LHFPL3: variants seen among roughly 807,000 people sequenced by gnomAD.
The protein encoded by LHFPL3 is LHFPL tetraspan subfamily member 3, also known as LHFPL tetraspan subfamily member 3 protein.
A neutral mutation model predicts 19.3 loss-of-function variants in LHFPL3; 5 were observed. The ratio of observed to expected loss-of-function variants is 0.26; its 90% CI spans 0.14 to 0.54. LHFPL3 has a LOEUF of 0.54. Among genes scored for constraint, LHFPL3 ranks in the 20% least tolerant of loss-of-function variants. The pLI, the probability that LHFPL3 is intolerant of heterozygous loss-of-function variation, is 0.94. For synonymous variants in LHFPL3, 133 were observed against 126.2 expected (o/e 1.05, Z -0.36); for missense variants, 249 against 307.4 (o/e 0.81, Z 1.42).
intron 1 of LHFPL3, among the ~76,000 whole-genome samples, chr7:104,363,447 A>G (rs1189250414): frequency 1.3e-5 from 2 of 152,252 alleles, no homozygotes; most frequent in East Asian, 1.9e-4. Flanking sequence ...CTCAAATCTC[A>G]GTAGTTGAAC....
At chr7:104,529,339 T>C (rs1260172890) in intron 1 of LHFPL3, among the ~76,000 whole-genome samples, 1 of 152,176 alleles carries the variant, frequency 6.6e-6, no homozygotes, top group Non-Finnish European at 1.5e-5. Flanking sequence ...TTGCTACTTC[T>C]TGTTCTGCCC....
chr7:104,515,073 C>G lies in LHFPL3; in HGVS notation c.445+185849C>G, dbSNP rs191894070. 5.6e-4 allele frequency among the ~76,000 whole-genome samples: 86 copies of G among 152,286 alleles called. 1 individual carries two copies. Among genetic ancestry groups the G allele is most frequent in the Non-Finnish European group, 7.6e-4 (52 of 68,022 alleles). On this transcript the variant is annotated intron_variant, in intron 1 of 2. Coordinates refer to ENST00000424859, the MANE Select transcript of LHFPL3 (RefSeq NM_199000.3). ...CAGTAGCATTGTTTGCCTGCCGTTT[C>G]TCCCCAGATGTGGCCTGCTGGCATC...
chr7:104,521,851 T>C (rs1185834653), intron 1 of LHFPL3, among the ~76,000 whole-genome samples: 19 of 152,148 alleles, frequency 1.2e-4, no homozygotes, highest in South Asian at 1.2e-3. Flanking sequence ...CATCTCACAC[T>C]AGTTAGAATG....
chr7:104,701,384 A>G (rs1243793071), intron 1 of LHFPL3, among the ~76,000 whole-genome samples: 4 of 152,206 alleles, frequency 2.6e-5, no homozygotes, highest in South Asian at 2.1e-4. Context: ...CTAATAGCCT[A>G]TTGTTGGCCA....
chr7:104,434,888 A>T (rs118072184), intron 1 of LHFPL3, among the ~76,000 whole-genome samples: 332 of 152,298 alleles, frequency 2.2e-3, no homozygotes, highest in Non-Finnish European at 2.1e-3. Flanking sequence ...AATATTTTTC[A>T]TGTAGATATT....
chr7:104,802,491 CAAAAAAAAA>C (rs920866759), intron 2 of LHFPL3, among the ~76,000 whole-genome samples: 11 of 65,512 alleles, frequency 1.7e-4, no homozygotes, highest in African/African-American at 1.2e-4. Context: ...AACCCTATCT[CAAAAAAAAA>C]AAAAAAAAAA....
At chr7:104,866,446 C>T (rs1711889392) in intron 2 of LHFPL3, among the ~76,000 whole-genome samples, 1 of 152,146 alleles carries the variant, frequency 6.6e-6, no homozygotes, top group African/African-American at 2.4e-5. Context: ...ATAAAACAAA[C>T]TTTAAACCAA....
At chr7:104,839,123 C>A (rs1791150476) in intron 2 of LHFPL3, among the ~76,000 whole-genome samples, 1 of 152,122 alleles carries the variant, frequency 6.6e-6, no homozygotes, top group South Asian at 2.1e-4. Flanking sequence ...AACAGTGAGA[C>A]CGTCAAGGAG....
At position 104,589,088 on chromosome 7, in the gene LHFPL3, T is replaced by C. The variant is rs555005356; in HGVS notation, c.446-147587T>C. Among the ~76,000 whole-genome samples, 1,395 of 151,674 alleles carry C rather than the reference T, an allele frequency of 9.2e-3. 17 individuals are homozygous for C. Among genetic ancestry groups the C allele is most frequent in the African/African-American group, 0.032 (1,328 of 41,434 alleles). On this transcript the variant is annotated intron_variant, in intron 1 of 2. Transcript: ENST00000424859. Reference sequence around the variant, plus strand: ...ACAATTTGACTTCCTCTTTTCCTAATTGAATACCCTTTATTTCTTTCTCCT... The same window carrying C: ...ACAATTTGACTTCCTCTTTTCCTAACTGAATACCCTTTATTTCTTTCTCCT...
intron 2 of LHFPL3, among the ~76,000 whole-genome samples, chr7:104,750,622 A>AT (rs1794145837): frequency 6.6e-6 from 1 of 152,088 alleles, no homozygotes; most frequent in Non-Finnish European, 1.5e-5. Context: ...CCCTGTGGGG[A>AT]TTTTTTGTGG....
chr7:104,783,542 T>G lies in LHFPL3; in HGVS notation c.682+46631T>G, dbSNP rs942768922. Among the ~76,000 whole-genome samples, 12 of 152,224 alleles carry G rather than the reference T, an allele frequency of 7.9e-5. No homozygotes were observed. In the East Asian group the frequency reaches 1.9e-3, roughly 24 times the overall value. On this transcript the variant is annotated intron_variant, in intron 2 of 2. Coordinates refer to ENST00000424859, the MANE Select transcript of LHFPL3 (RefSeq NM_199000.3). ...GACTGCAAACGCCAAAAACAAGAAA[T>G]GTAATGCACCGACGATATTTGTAAT... is the stretch of plus-strand genomic sequence containing the variant.
intron 1 of LHFPL3, among the ~76,000 whole-genome samples, chr7:104,559,072 G>C (rs1391207412): frequency 1.4e-5 from 2 of 147,914 alleles, no homozygotes; most frequent in Non-Finnish European, 3.0e-5. Context: ...ATGCTGTTTT[G>C]GTTACTGTAG....
chr7:104,800,943 C>T (rs1790233483), intron 2 of LHFPL3, among the ~76,000 whole-genome samples: 1 of 152,186 alleles, frequency 6.6e-6, no homozygotes, highest in South Asian at 2.1e-4. Context: ...ACCAGCCTCA[C>T]AGAGAATTCC....
At chr7:104,554,696 C>T (rs568029508) in intron 1 of LHFPL3, among the ~76,000 whole-genome samples, 105 of 145,444 alleles carry the variant, frequency 7.2e-4, no homozygotes, top group African/African-American at 2.6e-3. Flanking sequence ...GATAGACAGA[C>T]AGATGATGAG....
At chr7:104,738,230 T>C (rs1314494818) in intron 2 of LHFPL3, among the ~76,000 whole-genome samples, 6 of 152,198 alleles carry the variant, frequency 3.9e-5, no homozygotes, top group Non-Finnish European at 5.9e-5. Flanking sequence ...CCTTTCTAGA[T>C]AAAAAGGATG....
intron 1 of LHFPL3, among the ~76,000 whole-genome samples, chr7:104,607,663 A>G (rs1018661672): frequency 2.6e-5 from 4 of 152,202 alleles, no homozygotes; most frequent in Non-Finnish European, 4.4e-5. Flanking sequence ...TAATTAAACT[A>G]AAGAGCTTCT....
At chr7:104,460,040 T>A (rs1792627313) in intron 1 of LHFPL3, among the ~76,000 whole-genome samples, 1 of 152,176 alleles carries the variant, frequency 6.6e-6, no homozygotes, top group Admixed American at 6.5e-5. Context: ...CCCCAATGTC[T>A]GTTGTTCCCC....
At chr7:104,578,084 G>A (rs1211950604) in intron 1 of LHFPL3, among the ~76,000 whole-genome samples, 1 of 152,148 alleles carries the variant, frequency 6.6e-6, no homozygotes, top group African/African-American at 2.4e-5. Context: ...ATTATTTAAG[G>A]TGTTTTTCTA....
intron 1 of LHFPL3, among the ~76,000 whole-genome samples, chr7:104,443,771 G>A (rs1243043881): frequency 6.6e-6 from 1 of 152,214 alleles, no homozygotes; most frequent in African/African-American, 2.4e-5. Flanking sequence ...CTCACTTCCT[G>A]CATGTTGCTT....
Sources: allele counts gnomAD v4.1 joint callset (sites outside exome capture counted in the v4.1 genomes callset), GRCh38; gene constraint gnomAD v4.1.1; transcripts MANE v1.5; gene names NCBI Gene and HGNC (gene_info 2026-07-23, HGNC 2026-07-21).